Variants in USP25 observed in about 807,000 individuals in gnomAD.
USP25 encodes the protein ubiquitin specific peptidase 25.
USP25 carries 85 observed loss-of-function variants against 158.5 expected under a neutral mutation model. The ratio of observed to expected loss-of-function variants is 0.54; its 90% CI spans 0.45 to 0.64. The LOEUF (loss-of-function observed/expected upper bound fraction) is 0.64, where lower values mean the gene tolerates loss of function less well. Among genes scored for constraint, USP25 ranks in the 30% least tolerant of loss-of-function variants. The pLI, the probability that USP25 is intolerant of heterozygous loss-of-function variation, is 0.00. For missense variants in USP25, 1,242 were observed against 1,327.3 expected (o/e 0.94, Z 1.00); for synonymous variants, 464 against 460.4 (o/e 1.01, Z -0.10).
chr21:15,842,899 A>T (rs2038407402), intron 18 of USP25, among the ~76,000 whole-genome samples: 1 of 152,160 alleles, frequency 6.6e-6, no homozygotes, highest in Non-Finnish European at 1.5e-5. Flanking sequence ...ACATGGGAAT[A>T]GTTGAGAATT....
At chr21:15,868,438 C>G (rs1190807522) in intron 22 of USP25, among the ~76,000 whole-genome samples, 2 of 148,116 alleles carry the variant, frequency 1.4e-5, no homozygotes, top group Non-Finnish European at 2.9e-5. Flanking sequence ...TTAATTGTGA[C>G]TTGATTCTGC....
chr21:15,776,040 A>G (rs1275121855), intron 3 of USP25, among the ~76,000 whole-genome samples: 6 of 152,034 alleles, frequency 3.9e-5, no homozygotes, highest in Admixed American at 3.3e-4. Context: ...AGTTCTAGCC[A>G]TTTTAATAAC....
chr21:15,823,913 T>TA (rs759352836), intron 10 of USP25, 126 bp from the exon 11 acceptor site: 5 of 916,460 alleles, frequency 5.5e-6, no homozygotes, highest in Non-Finnish European at 7.9e-6. Flanking sequence ...TGTACCCAGT[T>TA]ACTTGTCAGG....
intron 23 of USP25, among the ~76,000 whole-genome samples, chr21:15,873,789 G>A (rs1022044579): frequency 3.3e-5 from 5 of 152,072 alleles, no homozygotes; most frequent in Admixed American, 1.3e-4. Flanking sequence ...CGCCGCACCC[G>A]GCCTCTATCA....
chr21:15,858,043 G>T (rs2039242145), intron 20 of USP25, among the ~76,000 whole-genome samples: 1 of 151,926 alleles, frequency 6.6e-6, no homozygotes, highest in Non-Finnish European at 1.5e-5. Context: ...GTATTCCACT[G>T]ATCTAGTTTT....
Position 15,877,513 on chromosome 21 carries a change from A to T in USP25, c.3010-283A>T, listed in dbSNP as rs1601208637. On this transcript the variant is annotated intron_variant, in intron 24 of 25. Transcript: ENST00000400183. ...GAAGTTAATCTCTAGAGAAGAAAAAATGGCCCCTGTGTTGATGATCGGCAT... is the reference window on the plus strand; with the variant it reads ...GAAGTTAATCTCTAGAGAAGAAAAATTGGCCCCTGTGTTGATGATCGGCAT... 1.8e-5 allele frequency: 4 copies of T among 219,554 alleles called. No individual in the cohort carries two copies. The East Asian group carries it at 2.9e-4, about 16-fold the overall frequency. 13.6% of individuals were successfully genotyped at this position (219,554 alleles called of 1,614,324 possible). A position where few individuals can be genotyped will look rare whatever the true frequency, so the allele number is the denominator to read the frequency against.
At chr21:15,870,655 G>A (rs2039847772) in intron 23 of USP25, among the ~76,000 whole-genome samples, 1 of 152,026 alleles carries the variant, frequency 6.6e-6, no homozygotes, top group South Asian at 2.1e-4. Flanking sequence ...TACATTTTAG[G>A]TTATTTACTA....
At chr21:15,743,593 C>T (rs769937750) in intron 1 of USP25, among the ~76,000 whole-genome samples, 2 of 152,158 alleles carry the variant, frequency 1.3e-5, no homozygotes, top group Non-Finnish European at 1.5e-5. Flanking sequence ...GGTTTAAAAG[C>T]ATTATTCGGA....
At chr21:15,738,869 CTG>C (rs1173307932) in intron 1 of USP25, among the ~76,000 whole-genome samples, 4 of 152,206 alleles carry the variant, frequency 2.6e-5, no homozygotes, top group Non-Finnish European at 5.9e-5. Flanking sequence ...TGCACAGACA[CTG>C]TGAAAATCCC....
chr21:15,777,184 T>C (rs2034704152), intron 3 of USP25, among the ~76,000 whole-genome samples: 1 of 152,224 alleles, frequency 6.6e-6, no homozygotes, highest in South Asian at 2.1e-4. Context: ...GGCTATTTTT[T>C]ATTAGAAGAG....
chr21:15,805,322 C>T, intron 7 of USP25, 64 bp downstream of exon 7: 3 of 1,390,048 alleles, frequency 2.2e-6, no homozygotes, highest in East Asian at 2.7e-5. Context: ...TATTAAGCAC[C>T]TTTCCCAAGA....
intron 20 of USP25, among the ~76,000 whole-genome samples, chr21:15,852,063 A>T (rs1055977688): frequency 1.3e-5 from 2 of 152,178 alleles, no homozygotes; most frequent in Non-Finnish European, 2.9e-5. Flanking sequence ...ACATAATCTA[A>T]ATAAATACTG....
chr21:15,821,617 A>G (rs1429098252), intron 10 of USP25, among the ~76,000 whole-genome samples: 2 of 152,006 alleles, frequency 1.3e-5, no homozygotes, highest in Non-Finnish European at 2.9e-5. Context: ...TATATGGGGA[A>G]CTTAACTTTT....
In USP25 at chr21:15,766,293, C is replaced by T. The variant is rs1324627598; in HGVS notation, c.268+152C>T. On this transcript the variant is annotated intron_variant, in intron 3 of 25. Coordinates refer to ENST00000400183, the MANE Select transcript of USP25 (RefSeq NM_001283041.3). The surrounding 1 kb of genome is among the most constrained non-coding windows in gnomAD (Gnocchi z 4.0). Reference sequence around the variant, plus strand: ...TTTTAATGTAGTTGAAAGGAACATACATTATCTTTTTCAGATTATAAGGAA... The same window carrying T: ...TTTTAATGTAGTTGAAAGGAACATATATTATCTTTTTCAGATTATAAGGAA... 5.2e-6 allele frequency: 3 copies of T among 571,712 alleles called. No homozygotes were observed. Among genetic ancestry groups the T allele is most frequent in the African/African-American group, 1.9e-5 (1 of 51,560 alleles). The allele number at this position is 571,712 out of a possible 1,614,324, so 35.4% of individuals were successfully genotyped here. A position where few individuals can be genotyped will look rare whatever the true frequency, so the allele number is the denominator to read the frequency against.
rs79081278 is a variant in USP25, at chr21:15,778,014, C to G, written c.379C>G (p.Gln127Glu). 1 of 1,603,080 alleles carries G rather than the reference C, an allele frequency of 6.2e-7. No homozygotes were observed. Among genetic ancestry groups the G allele is most frequent in the Non-Finnish European group, 8.5e-7 (1 of 1,176,836 alleles). The change falls in exon 4 of 26, where the codon CAA (glutamine) becomes GAA (glutamate). Residue 127 changes from glutamine to glutamate, a missense_variant. This residue lies in a region of USP25 where 627 missense variants were observed against 701.4 expected (regional missense o/e 0.89). Transcript: ENST00000400183. ...FRETGITDEEQAISRVLEASI... is the reference protein window; with the variant it reads ...FRETGITDEEEAISRVLEASI... The stretch of plus-strand genomic sequence containing the variant: ...GGAGACTGGAATAACTGATGAGGAA[C>G]AAGCCATTAGCAGGTAAAAACATAA...
At chr21:15,794,581 G>A (rs1489761648) in intron 5 of USP25, among the ~76,000 whole-genome samples, 1 of 151,520 alleles carries the variant, frequency 6.6e-6, no homozygotes, top group Admixed American at 6.6e-5. Flanking sequence ...TAGCCCCTTA[G>A]CACCTTTCCA....
chr21:15,751,089 A>G (rs1351628299), intron 1 of USP25, among the ~76,000 whole-genome samples: 2 of 152,206 alleles, frequency 1.3e-5, no homozygotes, highest in Non-Finnish European at 2.9e-5. Flanking sequence ...ATTGGCTGCT[A>G]GAGGGTAAAG....
intron 10 of USP25, among the ~76,000 whole-genome samples, chr21:15,820,622 A>G (rs1000487244): frequency 2.6e-5 from 4 of 151,998 alleles, no homozygotes; most frequent in African/African-American, 7.2e-5. Flanking sequence ...GTCACTGACT[A>G]AAGTATAGTA....
chr21:15,798,111 G>A (rs2035950943), intron 5 of USP25, among the ~76,000 whole-genome samples: 1 of 151,218 alleles, frequency 6.6e-6, no homozygotes, highest in African/African-American at 2.4e-5. Context: ...TAATGCCTCT[G>A]TTCTTCCTCT....
Sources: allele counts gnomAD v4.1 joint callset (sites outside exome capture counted in the v4.1 genomes callset), GRCh38; gene constraint gnomAD v4.1.1; regional missense constraint gnomAD v4.1.1; non-coding constraint Gnocchi (gnomAD v3.1); transcripts MANE v1.5; gene names NCBI Gene and HGNC (gene_info 2026-07-23, HGNC 2026-07-21).